Variants in SYNPR observed in about 807,000 individuals in gnomAD.
SYNPR encodes the protein synaptoporin.
A neutral mutation model predicts 32.9 loss-of-function variants in SYNPR; 23 were observed. The ratio of observed to expected loss-of-function variants is 0.70; its 90% CI spans 0.50 to 0.99. The LOEUF is 0.99. Among genes scored for constraint, SYNPR ranks in the 50% least tolerant of loss-of-function variants. SYNPR has a pLI of 0.00. For missense variants in SYNPR, 318 were observed against 349.3 expected, an observed-to-expected ratio of 0.91 and a Z score of 0.71; for synonymous variants, 146 against 135.9, an observed-to-expected ratio of 1.07 and a Z score of -0.52.
At chr3:63,449,706 A>G (rs1700344083) in intron 2 of SYNPR, among the ~76,000 whole-genome samples, 1 of 152,184 alleles carries the variant, frequency 6.6e-6, no homozygotes, top group Admixed American at 6.5e-5. Context: ...GCTTTCCCCG[A>G]ATATACTAGT....
In SYNPR at chr3:63,494,019, T is replaced by C. The variant is rs549001166; in HGVS notation, c.209+13063T>C. On this transcript the variant is annotated intron_variant, in intron 3 of 5. Coordinates refer to ENST00000478300, the MANE Select transcript of SYNPR (RefSeq NM_001130003.2). The stretch of plus-strand genomic sequence containing the variant: ...TAGACTGATATGTTGTGTTTTAACA[T>C]TGATTGATTTTTTTTTTAAATTTGG... Among the ~76,000 whole-genome samples, 150 of 152,082 alleles carry C rather than the reference T, an allele frequency of 9.9e-4. 1 individual carries two copies. The highest frequency in any genetic ancestry group is 3.3e-3 in the African/African-American group (136 of 41,518).
intron 4 of SYNPR, among the ~76,000 whole-genome samples, chr3:63,600,186 T>C (rs1700018357): frequency 6.6e-6 from 1 of 152,208 alleles, no homozygotes; most frequent in Non-Finnish European, 1.5e-5. Context: ...ATGAATGATG[T>C]TGGTAAGCAC....
intron 4 of SYNPR, among the ~76,000 whole-genome samples, chr3:63,599,863 T>C (rs1465632897): frequency 6.6e-6 from 1 of 152,214 alleles, no homozygotes; most frequent in Non-Finnish European, 1.5e-5. Flanking sequence ...AAGTAGTACA[T>C]ATAATTTCTA....
At chr3:63,443,772 C>T (rs766105058) in intron 2 of SYNPR, among the ~76,000 whole-genome samples, 12 of 152,148 alleles carry the variant, frequency 7.9e-5, no homozygotes, top group Non-Finnish European at 1.5e-4. Context: ...TAATGTCATT[C>T]TACCCTACCC....
At chr3:63,412,484 T>C (rs930324052) in intron 2 of SYNPR, among the ~76,000 whole-genome samples, 1 of 152,104 alleles carries the variant, frequency 6.6e-6, no homozygotes, top group Admixed American at 6.6e-5. Flanking sequence ...GAGAAGGACA[T>C]GGACATAGAG....
intron 2 of SYNPR, among the ~76,000 whole-genome samples, chr3:63,449,176 A>G (rs1365456977): frequency 1.3e-5 from 2 of 152,142 alleles, no homozygotes; most frequent in Non-Finnish European, 2.9e-5. Flanking sequence ...GAAGGTGCCT[A>G]AAGAAACTAT....
At chr3:63,367,733 CCA>C (rs2087745351) in intron 2 of SYNPR, among the ~76,000 whole-genome samples, 2 of 151,924 alleles carry the variant, frequency 1.3e-5, no homozygotes, top group African/African-American at 4.8e-5. Flanking sequence ...GGAAACAGGC[CCA>C]GAGATGGTAA....
At chr3:63,351,312 T>A (rs1181606756) in intron 2 of SYNPR, 1 of 152,234 alleles carries the variant, frequency 6.6e-6, no homozygotes, top group Non-Finnish European at 1.5e-5. Flanking sequence ...CCCTGCTTAA[T>A]GTGTTTGACA....
At chr3:63,266,653 G>C (rs1338117120) in intron 2 of SYNPR, among the ~76,000 whole-genome samples, 1 of 144,856 alleles carries the variant, frequency 6.9e-6, no homozygotes, top group Non-Finnish European at 1.5e-5. Flanking sequence ...GTTGCAGTGA[G>C]CTGAGATCAC....
At chr3:63,273,679 T>C (rs763956527), upstream of SYNPR, among the ~76,000 whole-genome samples, 4 of 152,226 alleles carry the variant, frequency 2.6e-5, no homozygotes, top group Non-Finnish European at 4.4e-5. Flanking sequence ...TGGCCATCCA[T>C]ATATGAATTT....
At chr3:63,281,394 T>C (rs2086628880) in intron 2 of SYNPR, among the ~76,000 whole-genome samples, 1 of 152,222 alleles carries the variant, frequency 6.6e-6, no homozygotes, top group African/African-American at 2.4e-5. Flanking sequence ...TGTAAAGATA[T>C]ATGTATCTTA....
At chr3:63,398,555 A>G (rs546909609) in intron 2 of SYNPR, among the ~76,000 whole-genome samples, 1,471 of 140,596 alleles carry the variant, frequency 0.01, 24 homozygotes, top group African/African-American at 0.035. Context: ...AAAAAATATT[A>G]AAAAAAAAAA....
chr3:63,206,954 A>T, the SYNPR span, among the ~76,000 whole-genome samples: 1 of 152,194 alleles, frequency 6.6e-6, no homozygotes, highest in Non-Finnish European at 1.5e-5. Flanking sequence ...CCTAAAGTAG[A>T]GAAAATGGTT....
intron 2 of SYNPR, among the ~76,000 whole-genome samples, chr3:63,313,810 CATATATATATCCATATATATATCCAT>C (rs1560188826): frequency 2.4e-4 from 2 of 8,226 alleles, no homozygotes; most frequent in African/African-American, 7.2e-4. Context: ...TATATATATC[CATATATATATCCATATATATATCCAT>C]ATATATATAT....
chr3:63,274,836 C>T (rs1211628947), upstream of SYNPR, among the ~76,000 whole-genome samples: 3 of 152,158 alleles, frequency 2.0e-5, no homozygotes, highest in African/African-American at 7.2e-5. Context: ...CCATCCCCTG[C>T]CCCCACCTCG....
chr3:63,485,428 G>A (rs573062075), intron 3 of SYNPR, among the ~76,000 whole-genome samples: 1 of 152,122 alleles, frequency 6.6e-6, no homozygotes, highest in Admixed American at 6.6e-5. Context: ...GCAGCATTGA[G>A]TACCTCAAAG....
intron 2 of SYNPR, among the ~76,000 whole-genome samples, chr3:63,439,353 A>T (rs1575644567): frequency 6.6e-6 from 1 of 152,260 alleles, no homozygotes; most frequent in Non-Finnish European, 1.5e-5. Context: ...TTTTAAAGGC[A>T]GTAGCAACAA....
intron 2 of SYNPR, among the ~76,000 whole-genome samples, chr3:63,393,206 A>G (rs2088163153): frequency 6.6e-6 from 1 of 152,244 alleles, no homozygotes; most frequent in African/African-American, 2.4e-5. Context: ...CTCTTCCCCC[A>G]ATGATGAATA....
chr3:63,608,816 G>A (rs550962395), intron 4 of SYNPR, among the ~76,000 whole-genome samples: 2 of 152,284 alleles, frequency 1.3e-5, no homozygotes, highest in South Asian at 4.1e-4. Flanking sequence ...TCTGCAAATA[G>A]GATGATGTAC....
Sources: gnomAD v4.1 joint callset for allele counts (sites outside exome capture counted in the v4.1 genomes callset) on GRCh38, gnomAD v4.1.1 for gene constraint, MANE v1.5 for transcripts, NCBI Gene and HGNC (gene_info 2026-07-23, HGNC 2026-07-21) for gene names.